The following FRK variants were observed in gnomAD, a reference collection of about 807,000 sequenced individuals.
FRK encodes fyn related Src family tyrosine kinase.
A neutral mutation model predicts 56.4 loss-of-function variants in FRK; 51 were observed. The observed-to-expected ratio is 0.90, with a 90% CI of 0.72 to 1.14. The LOEUF (loss-of-function observed/expected upper bound fraction) is 1.14, where lower values mean the gene tolerates loss of function less well. Ranked by LOEUF, FRK falls within the 50% of genes most tolerant of loss-of-function variation. The probability of loss-of-function intolerance (pLI) is 0.00; values close to 1 mark genes in which losing one functional copy is unlikely to be tolerated. For missense variants in FRK, 570 were observed against 601.4 expected (o/e 0.95, Z 0.55); for synonymous variants, 245 against 217.9 (o/e 1.12, Z -1.10).
At chr6:115,975,612 A>G (rs775835255) in intron 2 of FRK, among the ~76,000 whole-genome samples, 1 of 152,108 alleles carries the variant, frequency 6.6e-6, no homozygotes, top group Non-Finnish European at 1.5e-5. Context: ...CATTTCCTAC[A>G]GACTATAAGT....
rs927547646 is a variant in FRK, at chr6:115,940,080, T to C, written c.*2334A>G. ...CATCATGCTACCTGACTTCAAACTA[T>C]ACTACAAGGCTACAGTAAACAAAAC... On this transcript the variant is annotated 3_prime_UTR_variant, in exon 8 of 8. Transcript: ENST00000606080. 4 of 152,218 alleles carry C rather than the reference T, an allele frequency of 2.6e-5. No homozygotes were observed. The highest frequency in any genetic ancestry group is 2.0e-4 in the Admixed American group (3 of 15,286). 9.4% of individuals were successfully genotyped at this position (152,218 alleles called of 1,614,324 possible). A position where few individuals can be genotyped will look rare whatever the true frequency, so the allele number is the denominator to read the frequency against.
chr6:116,052,312 T>G (rs978144465), intron 1 of FRK, among the ~76,000 whole-genome samples: 2 of 152,106 alleles, frequency 1.3e-5, no homozygotes, highest in African/African-American at 4.8e-5. Context: ...AAAAAATAGC[T>G]TATGCCTTTA....
At chr6:116,080,100 T>C in the FRK span, among the ~76,000 whole-genome samples, 5 of 152,312 alleles carry the variant, frequency 3.3e-5, no homozygotes, top group Admixed American at 6.5e-5. Flanking sequence ...AATGCAACGA[T>C]AGCATAAAAC....
intron 4 of FRK, among the ~76,000 whole-genome samples, chr6:115,958,903 G>T (rs79786578): frequency 0.04 from 6,148 of 152,078 alleles, 333 homozygotes; most frequent in Admixed American, 0.15. Flanking sequence ...TCTATGTTGT[G>T]TGGCTATCAG....
At chr6:116,061,543 A>G (rs936676418), upstream of FRK, among the ~76,000 whole-genome samples, 5 of 131,020 alleles carry the variant, frequency 3.8e-5, no homozygotes, top group African/African-American at 1.4e-4. Flanking sequence ...CTCCAGATCT[A>G]TGCTAGTTCT....
rs1777575575 is a variant in FRK, at chr6:116,060,204, G to C, written c.108C>G (p.Cys36Trp). ...STVIENPGAL[C>W]SPQSQRHGHY... is the part of the protein sequence containing the mutation. ...GGCCATGCCTCTGTGACTGGGGAGA[G>C]CAAAGGGCCCCTGGATTTTCAATCA... is the stretch of plus-strand genomic sequence containing the variant. Residue 36 changes from cysteine to tryptophan, a missense_variant, in exon 1 of 8, where the codon TGC becomes TGG. Cys to Trp is a radical substitution (Grantham distance 215, BLOSUM62 -2). Coordinates refer to ENST00000606080, the MANE Select transcript of FRK (RefSeq NM_002031.3). 2 of 1,614,160 alleles carry C rather than the reference G, an allele frequency of 1.2e-6. No individual in the cohort carries two copies. The highest frequency in any genetic ancestry group is 1.7e-6 in the Non-Finnish European group (2 of 1,180,024).
chr6:116,039,733 C>T (rs1232324240), intron 1 of FRK, among the ~76,000 whole-genome samples: 2 of 151,996 alleles, frequency 1.3e-5, no homozygotes, highest in Non-Finnish European at 2.9e-5. Context: ...GGTGGCTTCT[C>T]CTTGGCTGAG....
rs777565918 is a variant in FRK at position 115,941,126 on chromosome 6, A to T, written c.*1288T>A. On this transcript the variant is annotated 3_prime_UTR_variant, in exon 8 of 8. Coordinates refer to ENST00000606080, the MANE Select transcript of FRK (RefSeq NM_002031.3). The stretch of plus-strand genomic sequence containing the variant: ...CATCAACGATAGACTGGATAAAGAA[A>T]ATGTGGCACATAGACACTATGGAAT... 1 of 152,244 alleles carries T rather than the reference A, an allele frequency of 6.6e-6. No individual in the cohort carries two copies. The highest frequency in any genetic ancestry group is 2.4e-5 in the African/African-American group (1 of 41,458). The allele number at this position is 152,244 out of a possible 1,614,324, so 9.4% of individuals were successfully genotyped here.
intron 1 of FRK, among the ~76,000 whole-genome samples, chr6:116,024,318 G>A (rs901503410): frequency 1.3e-5 from 2 of 151,310 alleles, no homozygotes; most frequent in Admixed American, 1.3e-4. Flanking sequence ...ACAATGTGCA[G>A]GTTAGTTACA....
intron 2 of FRK, among the ~76,000 whole-genome samples, chr6:115,971,619 C>A (rs755911051): frequency 1.3e-5 from 2 of 152,164 alleles, no homozygotes; most frequent in Non-Finnish European, 2.9e-5. Context: ...AAAGCTCCAG[C>A]AAAGTTTTTC....
In FRK at chr6:115,967,636, C is replaced by T; in HGVS notation, c.714G>A (p.Lys238=). ...EIDRNSIQLL[K]RLGSGQFGEV... ...CGCCAAACTGACCAGATCCCAATCG[C>T]TTCAGAAGCTGTATGGAGTTGCGGT... Residue 238 remains lysine (K), a synonymous_variant, in exon 4 of 8, where the codon AAG becomes AAA. Coordinates refer to ENST00000606080, the MANE Select transcript of FRK (RefSeq NM_002031.3). The T allele has an allele frequency of 6.2e-7, 1 of 1,613,716 alleles. No individual in the cohort carries two copies. Among genetic ancestry groups the T allele is most frequent in the East Asian group, 2.2e-5 (1 of 44,870 alleles).
chr6:116,100,094 C>A, the FRK span, among the ~76,000 whole-genome samples: 1 of 152,122 alleles, frequency 6.6e-6, no homozygotes. Flanking sequence ...ACCTTAAACC[C>A]GGTTTGCAAA....
rs552828619 is a variant in FRK, at chr6:115,983,209, T to C, written c.467-14470A>G. Among the ~76,000 whole-genome samples, 7 of 152,292 alleles carry C rather than the reference T, an allele frequency of 4.6e-5. No homozygotes were observed. In the South Asian group the frequency reaches 1.2e-3, roughly 27 times the overall value. ...GTTTACAGTGGAGAAAACTAGTTTA[T>C]GAAGAGATCAAGTAATTTGTCCCAG... On this transcript the variant is annotated intron_variant, in intron 2 of 7. Transcript: ENST00000606080.
intron 1 of FRK, among the ~76,000 whole-genome samples, chr6:116,034,175 T>C (rs1202091248): frequency 2.0e-5 from 3 of 152,102 alleles, no homozygotes; most frequent in Non-Finnish European, 4.4e-5. Flanking sequence ...GAATAAGTTA[T>C]AATGTTTAAT....
chr6:115,949,448 C>A (rs970151700), intron 5 of FRK, among the ~76,000 whole-genome samples: 1 of 151,990 alleles, frequency 6.6e-6, no homozygotes, highest in East Asian at 1.9e-4. Flanking sequence ...TTTATTTTGA[C>A]ATATGTTCTG....
At chr6:115,995,052 T>C (rs1303591713) in intron 2 of FRK, among the ~76,000 whole-genome samples, 3 of 152,164 alleles carry the variant, frequency 2.0e-5, no homozygotes, top group Non-Finnish European at 4.4e-5. Flanking sequence ...TATCTTCAAC[T>C]TGACTAGCAC....
In FRK at chr6:115,934,509, G is replaced by A. The variant is rs1772010821; in HGVS notation, c.*7905C>T. 2 of 152,180 alleles carry A rather than the reference G, an allele frequency of 1.3e-5. No homozygotes were observed. Among genetic ancestry groups the A allele is most frequent in the Non-Finnish European group, 2.9e-5 (2 of 68,024 alleles). The allele number at this position is 152,180 out of a possible 1,614,324, so 9.4% of individuals were successfully genotyped here. ...TAGCCATCTGTGACCCTGGGAAGGA[G>A]GGCAATGCTGATGGCAGAGGGAGGC... On this transcript the variant is annotated 3_prime_UTR_variant, in exon 8 of 8. Transcript: ENST00000606080.
At chr6:116,059,166 A>G (rs937686153) in intron 1 of FRK, among the ~76,000 whole-genome samples, 12 of 151,918 alleles carry the variant, frequency 7.9e-5, no homozygotes, top group Non-Finnish European at 1.3e-4. Flanking sequence ...GAGGGGTGGT[A>G]GGTGGATGGA....
the FRK span, among the ~76,000 whole-genome samples, chr6:116,100,634 G>T: frequency 6.6e-6 from 1 of 152,180 alleles, no homozygotes; most frequent in East Asian, 1.9e-4. Flanking sequence ...CTGCCTTCTG[G>T]GCTCCTAGGC....
Sources: allele counts gnomAD v4.1 joint callset (sites outside exome capture counted in the v4.1 genomes callset), GRCh38; gene constraint gnomAD v4.1.1; transcripts MANE v1.5; gene names NCBI Gene and HGNC (gene_info 2026-07-23, HGNC 2026-07-21).